Variants in POU2F1 observed in about 807,000 individuals in gnomAD.
POU2F1 encodes POU domain, class 2, transcription factor 1.
In POU2F1, 16 loss-of-function variants were observed where a neutral mutation model predicts 84.9. That is an observed-to-expected ratio of 0.19 (90% CI 0.13 to 0.29). POU2F1 has a LOEUF of 0.29. POU2F1 is among the 10% of genes least tolerant of loss of function. POU2F1 has a pLI of 1.00. For synonymous variants in POU2F1, 368 were observed against 368.3 expected (o/e 1.00, Z 0.01); for missense variants, 738 against 942.6 (o/e 0.78, Z 2.84).
chr1:167,353,679 C>A (rs1199398384), intron 2 of POU2F1, among the ~76,000 whole-genome samples: 1 of 152,196 alleles, frequency 6.6e-6, no homozygotes, highest in Non-Finnish European at 1.5e-5. Context: ...TCCTTGCAAT[C>A]TGGATGTGTA....
chr1:167,311,769 A>AT (rs1553206340), intron 1 of POU2F1, among the ~76,000 whole-genome samples: 2 of 107,882 alleles, frequency 1.9e-5, no homozygotes, highest in African/African-American at 6.5e-5. Context: ...ATTACAAAAA[A>AT]TCATTTATTT....
rs532966862 is a variant in POU2F1, at chr1:167,374,251, G to A, written c.546G>A (p.Thr182=). The part of the protein sequence containing the change: ...AGATISASAA[T]PMTQIPLSQP... ...CCACCATCTCCGCCTCTGCTGCCAC[G>A]CCCATGACGCAGATCCCCCTGTCTC... is the stretch of plus-strand genomic sequence containing the variant. The change falls in exon 6 of 16, where the codon ACG becomes ACA. Residue 182 remains threonine, a synonymous_variant. Transcript: ENST00000367866. 9.6e-5 allele frequency: 155 copies of A among 1,613,350 alleles called. 3 individuals are homozygous for A. In the East Asian group the frequency reaches 1.9e-3, roughly 19 times the overall value.
chr1:167,251,848 CT>C (rs751900342), intron 1 of POU2F1, among the ~76,000 whole-genome samples: 585 of 140,902 alleles, frequency 4.2e-3, no homozygotes, highest in Middle Eastern at 7.2e-3. Flanking sequence ...TTCGTTATAT[CT>C]TTTTTTTTTT....
chr1:167,425,135 G>A lies in POU2F1; in HGVS notation c.*9325G>A, dbSNP rs1452126465. ...CCCTTTCACCTTTTCTTTGAATGTA[G>A]TTCCCAACCTTCAATTCCCACCCCT... On this transcript the variant is annotated 3_prime_UTR_variant, in exon 16 of 16. Coordinates refer to ENST00000367866, the MANE Select transcript of POU2F1 (RefSeq NM_002697.4). 1 of 152,012 alleles carries A rather than the reference G, an allele frequency of 6.6e-6. No homozygotes were observed. Among genetic ancestry groups the A allele is most frequent in the Non-Finnish European group, 1.5e-5 (1 of 68,004 alleles). The allele number at this position is 152,012 out of a possible 1,614,324, so 9.4% of individuals were successfully genotyped here.
At position 167,407,888 on chromosome 1, in the gene POU2F1, GA is replaced by G. The variant is rs905328276; in HGVS notation, c.1556-4062del. 2.8e-4 allele frequency among the ~76,000 whole-genome samples: 43 copies of G among 151,264 alleles called. 1 individual carries two copies. The highest frequency in any genetic ancestry group is 5.6e-4 in the Non-Finnish European group (38 of 67,714). ...AGCACCAAGAGAACGATCCATAAAA[GA>G]AAAAAAAATTAGTAAATTCAGCTTC... is the stretch of plus-strand genomic sequence containing the variant. On this transcript the variant is annotated intron_variant, in intron 13 of 15. Coordinates refer to ENST00000367866, the MANE Select transcript of POU2F1 (RefSeq NM_002697.4).
chr1:167,260,101 A>G (rs369591629), intron 1 of POU2F1, among the ~76,000 whole-genome samples: 5 of 152,028 alleles, frequency 3.3e-5, no homozygotes, highest in South Asian at 4.2e-4. Context: ...GATGGTCTCG[A>G]TCTCCTGACC....
Position 167,372,017 on chromosome 1 carries a change from C to G in POU2F1, c.383C>G (p.Ala128Gly). ...ATTCCCCAGACCCAGCTTATGCTAG[C>G]TGGAGGACAGATAACTGGGGTAAGT... ...AAIPQTQLML[A>G]GGQITGLTLT... The change falls in exon 5 of 16, where the codon GCT (alanine) becomes GGT (glycine). Residue 128 changes from alanine to glycine, a missense_variant. By Grantham distance (60) the Ala-to-Gly change is moderately conservative. Around this residue, in one of 4 missense-constraint regions of POU2F1, gnomAD observed 163 missense variants for 214.4 expected, o/e 0.76. Transcript: ENST00000367866. 6.2e-7 allele frequency: 1 copy of G among 1,613,306 alleles called. No homozygotes were observed. The highest frequency in any genetic ancestry group is 8.5e-7 in the Non-Finnish European group (1 of 1,179,714).
At chr1:167,277,608 G>A (rs1475989596) in intron 1 of POU2F1, among the ~76,000 whole-genome samples, 1 of 151,766 alleles carries the variant, frequency 6.6e-6, no homozygotes, top group Non-Finnish European at 1.5e-5. Flanking sequence ...CCTCACCCCA[G>A]CCACCTTTGT....
intron 7 of POU2F1, among the ~76,000 whole-genome samples, chr1:167,382,090 A>T (rs1443610130): frequency 6.6e-6 from 1 of 152,178 alleles, no homozygotes; most frequent in Non-Finnish European, 1.5e-5. Context: ...CTGCTGTGTC[A>T]TATAGTGCTC....
chr1:167,374,758 T>G (rs2015005), intron 6 of POU2F1, among the ~76,000 whole-genome samples: 23,820 of 152,232 alleles, frequency 0.16, 2,117 homozygotes, highest in Non-Finnish European at 0.2. Context: ...GCAAAGTATC[T>G]AGAGATAATA....
At chr1:167,375,328 T>C (rs1660250687) in intron 6 of POU2F1, among the ~76,000 whole-genome samples, 1 of 152,204 alleles carries the variant, frequency 6.6e-6, no homozygotes, top group African/African-American at 2.4e-5. Flanking sequence ...TGTTTTGATT[T>C]TGGCCACTTT....
intron 1 of POU2F1, chr1:167,329,213 C>T: frequency 1.2e-5 from 18 of 1,536,964 alleles, no homozygotes; most frequent in Non-Finnish European, 1.5e-5. Context: ...CTTCTTTCCC[C>T]ACCCCAAACT....
chr1:167,233,303 ATT>A (rs371350367), intron 1 of POU2F1, among the ~76,000 whole-genome samples: 3 of 141,102 alleles, frequency 2.1e-5, no homozygotes, highest in Admixed American at 7.1e-5. Flanking sequence ...TGCCCAGCTA[ATT>A]TTTTTTTTTT....
intron 1 of POU2F1, among the ~76,000 whole-genome samples, chr1:167,327,936 A>G (rs1025620069): frequency 2.0e-5 from 3 of 152,240 alleles, no homozygotes; most frequent in African/African-American, 4.8e-5. Context: ...TTATTACTCC[A>G]TGGAGATTTT....
chr1:167,318,825 C>T (rs899646446), intron 1 of POU2F1, among the ~76,000 whole-genome samples: 1 of 152,130 alleles, frequency 6.6e-6, no homozygotes, highest in Non-Finnish European at 1.5e-5. Context: ...TTAGTGTATA[C>T]CTCCACTGGG....
chr1:167,377,835 A>G (rs1254035621), intron 7 of POU2F1, among the ~76,000 whole-genome samples: 1 of 152,098 alleles, frequency 6.6e-6, no homozygotes, highest in Non-Finnish European at 1.5e-5. Flanking sequence ...TCTACCCTCA[A>G]GTAGGCCCTG....
chr1:167,420,154 T>C lies in POU2F1; in HGVS notation c.*4344T>C, dbSNP rs1482918789. The C allele has an allele frequency of 6.9e-6, 1 of 145,858 alleles. No individual in the cohort carries two copies. Among genetic ancestry groups the C allele is most frequent in the Non-Finnish European group, 1.5e-5 (1 of 67,216 alleles). 9.0% of individuals were successfully genotyped at this position (145,858 alleles called of 1,614,324 possible). On this transcript the variant is annotated 3_prime_UTR_variant, in exon 16 of 16. Transcript: ENST00000367866. Reference sequence around the variant, plus strand: ...GAAAAGTTGGATACATTGGCAAATATAGGGAATTCATGTCTTTTTTTTTTT... The same window carrying C: ...GAAAAGTTGGATACATTGGCAAATACAGGGAATTCATGTCTTTTTTTTTTT...
chr1:167,337,336 AAG>A lies in POU2F1; in HGVS notation c.127+4803_127+4804del, dbSNP rs535463742. On this transcript the variant is annotated intron_variant, in intron 2 of 15. Transcript: ENST00000367866. ...GAGACCTTGTCTCAAAAAAAAAAGA[AAG>A]AAAAAAGAGAATGCAGCTTTTATGT... Among the ~76,000 whole-genome samples, 50 of 152,194 alleles carry A rather than the reference AAG, an allele frequency of 3.3e-4. No individual in the cohort carries two copies. The South Asian group carries it at 9.5e-3, about 29-fold the overall frequency.
At chr1:167,260,381 A>C (rs889183086) in intron 1 of POU2F1, among the ~76,000 whole-genome samples, 1 of 152,076 alleles carries the variant, frequency 6.6e-6, no homozygotes, top group Non-Finnish European at 1.5e-5. Context: ...TTTTAATACT[A>C]TTGTATTTAT....
Sources: allele counts gnomAD v4.1 joint callset (sites outside exome capture counted in the v4.1 genomes callset), GRCh38; gene constraint gnomAD v4.1.1; regional missense constraint gnomAD v4.1.1; transcripts MANE v1.5; gene names NCBI Gene and HGNC (gene_info 2026-07-23, HGNC 2026-07-21).